The following ACVRL1 variants were observed in gnomAD, a reference collection of about 807,000 sequenced individuals.
ACVRL1 encodes the protein activin A receptor like type 1.
A neutral mutation model predicts 51.9 loss-of-function variants in ACVRL1; 20 were observed. That is an observed-to-expected ratio of 0.39 (90% confidence interval 0.27 to 0.56). The LOEUF (loss-of-function observed/expected upper bound fraction) is 0.56. Ranked by LOEUF, ACVRL1 falls within the 20% of genes least tolerant of loss-of-function variation. ACVRL1 has a pLI of 0.67. For synonymous variants in ACVRL1, 288 were observed against 280.9 expected (o/e 1.03, Z -0.25); for missense variants, 451 against 670.3 (o/e 0.67, Z 3.61).
intron 1 of ACVRL1, among the ~76,000 whole-genome samples, chr12:51,908,188 C>T (rs968982495): frequency 6.6e-6 from 1 of 152,174 alleles, no homozygotes; most frequent in Non-Finnish European, 1.5e-5. Context: ...ACCCTAGGCG[C>T]GCATGGTCAG....
At chr12:51,920,694 C>T in intron 9 of ACVRL1, 65 bp from the exon 10 acceptor site, 1 of 1,583,700 alleles carries the variant, frequency 6.3e-7, no homozygotes, top group Non-Finnish European at 8.6e-7. Context: ...CTCTCCCGAC[C>T]CCCTCCTCTT....
In ACVRL1 at chr12:51,913,571, C is replaced by A; in HGVS notation, c.326C>A (p.Pro109His). 1 of 1,598,170 alleles carries A rather than the reference C, an allele frequency of 6.3e-7. No individual in the cohort carries two copies. The highest frequency in any genetic ancestry group is 8.5e-7 in the Non-Finnish European group (1 of 1,179,740). The change falls in exon 4 of 10, where the codon CCT becomes CAT. Residue 109 changes from proline (P) to histidine (H), a missense_variant. Physicochemically the swap from Pro to His is moderately conservative, Grantham distance 77. This residue lies in a region of ACVRL1 where 192 missense variants were observed against 216.9 expected (regional missense o/e 0.89). Coordinates refer to ENST00000388922, the MANE Select transcript of ACVRL1 (RefSeq NM_000020.3). The stretch of plus-strand genomic sequence containing the variant: ...CCCCCTCCCTCAGCCACCCAACCTC[C>A]TTCGGAGCAGCCGGGAACAGATGGC... ...VSLVLEATQP[P>H]SEQPGTDGQL...
intron 5 of ACVRL1, 36 bp downstream of exon 5, chr12:51,914,109 G>A: frequency 1.9e-6 from 3 of 1,599,238 alleles, no homozygotes; most frequent in Non-Finnish European, 2.6e-6. Context: ...TGAGGACCAA[G>A]GGCTCTCATG....
Position 51,913,268 on chromosome 12 carries a change from C to T in ACVRL1, c.231C>T (p.Cys77=), listed in dbSNP as rs1221689111. 1 of 1,598,964 alleles carries T rather than the reference C, an allele frequency of 6.3e-7. No individual in the cohort carries two copies. Among genetic ancestry groups the T allele is most frequent in the Non-Finnish European group, 8.5e-7 (1 of 1,172,876 alleles). ...RGCGNLHREL[C]RGRPTEFVNH... ...GCGGGAACTTGCACAGGGAGCTCTG[C>T]AGGGGGCGCCCCACCGAGTTCGTCA... Residue 77 remains cysteine (C), a synonymous_variant, in exon 3 of 10, where the codon TGC becomes TGT. Transcript: ENST00000388922.
chr12:51,920,942 G>GGGGGGGGGGGGGC lies in ACVRL1; in HGVS notation c.*52_*53insGGGGGGGGGCGGG. ...TGCCTGCAGGGGGCTGGGGGGGTGG[G>GGGGGGGGGGGGGC]GGGCAGTGGATGGTGCCCTATCTGG... On this transcript the variant is annotated 3_prime_UTR_variant, in exon 10 of 10. Coordinates refer to ENST00000388922, the MANE Select transcript of ACVRL1 (RefSeq NM_000020.3). The GGGGGGGGGGGGGC allele has an allele frequency of 1.6e-6, 1 of 629,042 alleles. No homozygotes were observed. The highest frequency in any genetic ancestry group is 1.8e-5 in the African/African-American group (1 of 54,986). 39.0% of individuals were successfully genotyped at this position (629,042 alleles called of 1,614,324 possible). A position where few individuals can be genotyped will look rare whatever the true frequency, so the allele number is the denominator to read the frequency against.
intron 9 of ACVRL1, 120 bp downstream of exon 9, chr12:51,919,235 A>G: frequency 6.8e-7 from 1 of 1,479,012 alleles, no homozygotes; most frequent in South Asian, 1.2e-5. Context: ...TGTCCTGGTT[A>G]GGGCACCTCT....
chr12:51,907,824 A>G lies in ACVRL1; in HGVS notation c.-6+129A>G, dbSNP rs1940625231. 6.6e-6 allele frequency: 1 copy of G among 152,268 alleles called. No individual in the cohort carries two copies. 9.4% of individuals were successfully genotyped at this position (152,268 alleles called of 1,614,324 possible). A position where few individuals can be genotyped will look rare whatever the true frequency, so the allele number is the denominator to read the frequency against. ...GGGAGGCTCAGTCCCAGCTCATTAG[A>G]AAGGCAAGCTGCTCCTGGCTGACCA... is the stretch of plus-strand genomic sequence containing the variant. On this transcript the variant is annotated intron_variant, in intron 1 of 9. Coordinates refer to ENST00000388922, the MANE Select transcript of ACVRL1 (RefSeq NM_000020.3). This position sits in a 1 kb window ranked among gnomAD's most constrained non-coding sequence, Gnocchi z 4.5.
At chr12:51,914,223 C>T in intron 5 of ACVRL1, 150 bp downstream of exon 5, 1 of 1,186,900 alleles carries the variant, frequency 8.4e-7, no homozygotes, top group Non-Finnish European at 1.2e-6. Context: ...TGGAGACGGG[C>T]CAGGGCTAGG....
chr12:51,915,910 A>T, intron 7 of ACVRL1, 126 bp from the exon 8 acceptor site: 1 of 1,048,292 alleles, frequency 9.5e-7, no homozygotes, highest in South Asian at 1.6e-5. Flanking sequence ...CTTCCAGCCC[A>T]TCTCCGTGCA....
In ACVRL1 at chr12:51,913,747, GA is replaced by G; in HGVS notation, c.503del (p.Glu168GlyfsTer90). Reference sequence around the variant, plus strand: ...GTCCAGTCTCATCCTGAAAGCATCTGAGCAGGGCGACAGCATGTTGGGGGTA... The same window carrying G: ...GTCCAGTCTCATCCTGAAAGCATCTGGCAGGGCGACAGCATGTTGGGGGTA... The part of the protein sequence containing the change: ...GESSLILKAS[E>X]QGDSMLGDLL... On this transcript the variant is annotated frameshift_variant, in exon 4 of 10. Transcript: ENST00000388922. LOFTEE classifies it high-confidence loss of function. The G allele has an allele frequency of 6.2e-7, 1 of 1,611,958 alleles. No homozygotes were observed. The highest frequency in any genetic ancestry group is 8.5e-7 in the Non-Finnish European group (1 of 1,180,016).
intron 8 of ACVRL1, 130 bp from the exon 9 acceptor site, chr12:51,918,855 C>T (rs894084844): frequency 1.5e-6 from 2 of 1,298,546 alleles, no homozygotes; most frequent in Admixed American, 3.5e-5. Flanking sequence ...TATACTGTCC[C>T]TCTCAGGGGT....
chr12:51,921,272 C>A lies in ACVRL1; in HGVS notation c.*379C>A, dbSNP rs775193760. 2.0e-5 allele frequency: 7 copies of A among 341,926 alleles called. No homozygotes were observed. Among genetic ancestry groups the A allele is most frequent in the Non-Finnish European group, 3.4e-5 (6 of 174,650 alleles). 21.2% of individuals were successfully genotyped at this position (341,926 alleles called of 1,614,324 possible). On this transcript the variant is annotated 3_prime_UTR_variant, in exon 10 of 10. Coordinates refer to ENST00000388922, the MANE Select transcript of ACVRL1 (RefSeq NM_000020.3). Reference sequence around the variant, plus strand: ...ACTTTGCCCCCTGCCCTTGATCAACCCCACTGCCCCACCAGAGCTGCCAGG... The same window carrying A: ...ACTTTGCCCCCTGCCCTTGATCAACACCACTGCCCCACCAGAGCTGCCAGG...
Position 51,914,761 on chromosome 12 carries a change from A to T in ACVRL1, c.772+176A>T, listed in dbSNP as rs958967566. Among the ~76,000 whole-genome samples, 4 of 145,568 alleles carry T rather than the reference A, an allele frequency of 2.7e-5. No homozygotes were observed. The South Asian group carries it at 8.5e-4, about 31-fold the overall frequency. On this transcript the variant is annotated intron_variant, in intron 6 of 9. Coordinates refer to ENST00000388922, the MANE Select transcript of ACVRL1 (RefSeq NM_000020.3). ...ATTTAATTTAATTTAATTTAATTTA[A>T]TTTTTGAGACAGGGCCTCGCTCTGT...
In ACVRL1 at chr12:51,912,333, G is replaced by A. The variant is rs1010124553; in HGVS notation, c.-5-137G>A. 72 of 905,190 alleles carry A rather than the reference G, an allele frequency of 8.0e-5. 1 individual carries two copies. The highest frequency in any genetic ancestry group is 1.9e-4 in the South Asian group (14 of 71,898). The allele number at this position is 905,190 out of a possible 1,614,324, so 56.1% of individuals were successfully genotyped here. ...TGCAGGCCCCGCCCCAAAGCCAGGC[G>A]GCAGGGAGTAGGGAGGCGGCCTCCC... On this transcript the variant is annotated intron_variant, in intron 1 of 9. Transcript: ENST00000388922.
chr12:51,919,870 C>T (rs1268617565), intron 9 of ACVRL1, among the ~76,000 whole-genome samples: 1 of 152,170 alleles, frequency 6.6e-6, no homozygotes, highest in Admixed American at 6.5e-5. Context: ...GCATATATGC[C>T]AGACTGTTGG....
At chr12:51,912,387 T>G (rs1415615627) in intron 1 of ACVRL1, 83 bp from the exon 2 acceptor site, 1 of 1,493,990 alleles carries the variant, frequency 6.7e-7, no homozygotes, top group East Asian at 2.3e-5. Context: ...AACTCTGTGA[T>G]TTCCTCTGGG....
In ACVRL1 at chr12:51,914,033, G is replaced by A. The variant is rs750473107; in HGVS notation, c.585G>A (p.Gln195=). 1 of 1,613,958 alleles carries A rather than the reference G, an allele frequency of 6.2e-7. No homozygotes were observed. ...GSGSGLPFLV[Q]RTVARQVALV... ...GCTCAGGGCTCCCCTTCCTGGTGCA[G>A]AGGACAGTGGCACGGCAGGTTGCCT... The change falls in exon 5 of 10, where the codon CAG becomes CAA. Residue 195 remains glutamine (Q), a synonymous_variant. Coordinates refer to ENST00000388922, the MANE Select transcript of ACVRL1 (RefSeq NM_000020.3).
chr12:51,921,569 G>GC lies in ACVRL1; in HGVS notation c.*676_*677insC. The stretch of plus-strand genomic sequence containing the variant: ...ATCACAGGCCAGTGGAAAAAGGGCA[G>GC]GTCAGATGGGCAAGGCCCAGGACTT... On this transcript the variant is annotated 3_prime_UTR_variant, in exon 10 of 10. Coordinates refer to ENST00000388922, the MANE Select transcript of ACVRL1 (RefSeq NM_000020.3). 6.3e-6 allele frequency: 1 copy of GC among 158,124 alleles called. No homozygotes were observed. The highest frequency in any genetic ancestry group is 1.9e-4 in the South Asian group (1 of 5,380). 9.8% of individuals were successfully genotyped at this position (158,124 alleles called of 1,614,324 possible).
At chr12:51,911,614 G>A (rs547940455) in intron 1 of ACVRL1, among the ~76,000 whole-genome samples, 77 of 152,348 alleles carry the variant, frequency 5.1e-4, no homozygotes, top group Non-Finnish European at 9.3e-4. Flanking sequence ...GATAGGGACA[G>A]AGCGAAGAGA....
Sources: allele counts gnomAD v4.1 joint callset (sites outside exome capture counted in the v4.1 genomes callset), GRCh38; gene constraint gnomAD v4.1.1; regional missense constraint gnomAD v4.1.1; non-coding constraint Gnocchi (gnomAD v3.1); transcripts MANE v1.5; gene names NCBI Gene and HGNC (gene_info 2026-07-23, HGNC 2026-07-21).